Variants in FOLR3 observed in about 807,000 individuals in gnomAD.
The protein encoded by FOLR3 is folate receptor gamma.
In FOLR3, 9 loss-of-function variants were observed where a neutral mutation model predicts 20.0. That is an observed-to-expected ratio of 0.45 (90% confidence interval 0.27 to 0.79). The LOEUF (loss-of-function observed/expected upper bound fraction) is 0.79, where lower values mean the gene tolerates loss of function less well. FOLR3 is among the 30% of genes least tolerant of loss of function. FOLR3 has a pLI of 0.15. For missense variants in FOLR3, 309 were observed against 323.5 expected (o/e 0.96, Z 0.34); for synonymous variants, 124 against 115.5 (o/e 1.07, Z -0.47).
chr11:72,139,385 G>A lies in FOLR3; in HGVS notation c.396G>A (p.Val132=). 1 of 1,612,036 alleles carries A rather than the reference G, an allele frequency of 6.2e-7. No individual in the cohort carries two copies. The highest frequency in any genetic ancestry group is 8.5e-7 in the Non-Finnish European group (1 of 1,178,940). ...QSWRKERILN[V]PLCKEDCERW... ...GGCGCAAAGAGCGCATTCTGAACGT[G>A]CCCCTGTGCAAAGAGGACTGTGAGC... Residue 132 remains valine, a synonymous_variant, in exon 4 of 5, where the codon GTG becomes GTA. Transcript: ENST00000611028.
intron 2 of FOLR3, among the ~76,000 whole-genome samples, chr11:72,136,650 T>C (rs536477467): frequency 1.1e-4 from 17 of 152,318 alleles, no homozygotes; most frequent in African/African-American, 2.9e-4. Context: ...ACCTCTTTCA[T>C]TCTCCAAAAC....
intron 2 of FOLR3, among the ~76,000 whole-genome samples, chr11:72,137,503 T>A (rs74752446): frequency 6.6e-6 from 1 of 151,518 alleles, no homozygotes; most frequent in Non-Finnish European, 1.5e-5. Context: ...TTTTTTTTTT[T>A]AATTTGAGGC....
chr11:72,139,542 G>A lies in FOLR3; in HGVS notation c.494-45G>A, dbSNP rs773915699. ...GTGGGGCTTTGGGGTTGGGAGGGGT[G>A]CGGTCTGGCCCAGAAGCTAAGGGTC... is the stretch of plus-strand genomic sequence containing the variant. On this transcript the variant is annotated intron_variant, in intron 4 of 4. Coordinates refer to ENST00000611028, the MANE Select transcript of FOLR3 (RefSeq NM_000804.4). The A allele has an allele frequency of 2.5e-6, 4 of 1,612,976 alleles. No individual in the cohort carries two copies. In the South Asian group the frequency reaches 3.3e-5, roughly 13 times the overall value.
chr11:72,135,941 T>C lies in FOLR3; in HGVS notation c.-6-6T>C, dbSNP rs1215485597. On this transcript the variant is annotated splice_region_variant and splice_polypyrimidine_tract_variant and intron_variant, in intron 1 of 4. Transcript: ENST00000611028. ...TTGTCTACCTCTGACTGTGGCTCTC[T>C]GGCAGGAATAGATGGACATGGCCTG... The C allele has an allele frequency of 8.1e-6, 13 of 1,608,330 alleles. No individual in the cohort carries two copies. The highest frequency in any genetic ancestry group is 1.0e-5 in the Non-Finnish European group (12 of 1,176,274).
Position 72,139,127 on chromosome 11 carries a change from A to C in FOLR3, c.335A>C (p.Asn112Thr). Residue 112 changes from asparagine to threonine, a missense_variant, in exon 3 of 5, where the codon AAC (asparagine) becomes ACC (threonine). Asn to Thr is a moderately conservative substitution (Grantham distance 65). Coordinates refer to ENST00000611028, the MANE Select transcript of FOLR3 (RefSeq NM_000804.4). ...AGCTGTCTCTATGAGTGCTCACCCA[A>C]CCTGGGGCCCTGGATCCGGCAGGTA... The part of the protein sequence containing the change: ...QDSCLYECSP[N>T]LGPWIRQVNQ... The C allele has an allele frequency of 1.9e-6, 3 of 1,613,510 alleles. No homozygotes were observed. The highest frequency in any genetic ancestry group is 1.7e-6 in the Non-Finnish European group (2 of 1,179,622).
In FOLR3 at chr11:72,139,675, C is replaced by T. The variant is rs637609; in HGVS notation, c.582C>T (p.Ser194=). 5.0e-6 allele frequency: 8 copies of T among 1,613,520 alleles called. No homozygotes were observed. In the East Asian group the frequency reaches 1.6e-4, roughly 31 times the overall value. ...CCGCCCTTTGTGAAGGCCTCTGGAG[C>T]CACTCCTTCAAGGTCAGCAACTATA... ...TPAALCEGLW[S]HSFKVSNYSR... Residue 194 remains serine (S), a synonymous_variant, in exon 5 of 5, where the codon AGC becomes AGT. Transcript: ENST00000611028.
rs1947737461 is a variant in FOLR3, at chr11:72,136,019, C to T, written c.67C>T (p.Gln23Ter). 1.2e-6 allele frequency: 2 copies of T among 1,613,834 alleles called. No homozygotes were observed. The highest frequency in any genetic ancestry group is 1.7e-5 in the Admixed American group (1 of 60,004). ...TTTGGTGACTGCTGCGGGGAGTGCC[C>T]AGCCCAGGAGTGCGCGGGCCAGGAC... ...LALVTAAGSA[Q>*]PRSARARTDL... Residue 23 changes from glutamine to a stop codon, truncating the protein, a stop_gained, in exon 2 of 5, where the codon CAG becomes TAG. Transcript: ENST00000611028. LOFTEE classifies it high-confidence loss of function.
intron 2 of FOLR3, among the ~76,000 whole-genome samples, chr11:72,136,634 C>T (rs1343876577): frequency 2.0e-5 from 3 of 152,166 alleles, no homozygotes; most frequent in South Asian, 2.1e-4. Flanking sequence ...CACCATCCAT[C>T]TCCTGACCTC....
At position 72,139,848 on chromosome 11, in the gene FOLR3, T is replaced by G; in HGVS notation, c.*17T>G. The stretch of plus-strand genomic sequence containing the variant: ...GATTCCTGATCCAAGAAGGGTCCTC[T>G]GGGGTTCTTCCAACAACCTATTCTA... On this transcript the variant is annotated 3_prime_UTR_variant, in exon 5 of 5. Coordinates refer to ENST00000611028, the MANE Select transcript of FOLR3 (RefSeq NM_000804.4). 8 of 1,612,404 alleles carry G rather than the reference T, an allele frequency of 5.0e-6. No homozygotes were observed. The highest frequency in any genetic ancestry group is 3.4e-6 in the Non-Finnish European group (4 of 1,178,692).
chr11:72,139,232 A>G, intron 3 of FOLR3, 83 bp downstream of exon 3: 1 of 1,560,116 alleles, frequency 6.4e-7, no homozygotes. Context: ...TGGTCCAGGA[A>G]TTCGGGTCTG....
chr11:72,139,523 C>T (rs867141775), intron 4 of FOLR3, 41 bp downstream of exon 4: 1 of 1,612,684 alleles, frequency 6.2e-7, no homozygotes, highest in Middle Eastern at 1.7e-4. Context: ...GGGAGTGGGG[C>T]TTTGGGGTTG....
chr11:72,138,994 G>A lies in FOLR3; in HGVS notation c.202G>A (p.Ala68Thr), dbSNP rs1219474880. 6.8e-6 allele frequency: 11 copies of A among 1,613,826 alleles called. No individual in the cohort carries two copies. The East Asian group carries it at 1.6e-4, about 23-fold the overall frequency. Reference sequence around the variant, plus strand: ...CTGGAAGAAGAATGCCTGCTGCACGGCCAGCACCAGCCAGGAGCTGCACAA... The same window carrying A: ...CTGGAAGAAGAATGCCTGCTGCACGACCAGCACCAGCCAGGAGCTGCACAA... Reference protein sequence around the residue: ...SPWKKNACCTASTSQELHKDT... With the variant: ...SPWKKNACCTTSTSQELHKDT... The change falls in exon 3 of 5, where the codon GCC (alanine) becomes ACC (threonine). Residue 68 changes from alanine (A) to threonine (T), a missense_variant. By Grantham distance (58) the Ala-to-Thr change is moderately conservative. Transcript: ENST00000611028.
At chr11:72,135,888 C>T (rs936822990) in intron 1 of FOLR3, 59 bp from the exon 2 acceptor site, 4 of 1,541,650 alleles carry the variant, frequency 2.6e-6, no homozygotes, top group Non-Finnish European at 3.6e-6. Flanking sequence ...AGTACACAAT[C>T]ACATGGCTGT....
chr11:72,138,752 A>G, intron 2 of FOLR3: 1 of 618,320 alleles, frequency 1.6e-6, no homozygotes, highest in Admixed American at 2.8e-5. Context: ...AGCCTGGTCA[A>G]CAGAGCAAGA....
In FOLR3 at chr11:72,136,109, C is replaced by A; in HGVS notation, c.157C>A (p.Leu53Met). 1 of 1,614,062 alleles carries A rather than the reference C, an allele frequency of 6.2e-7. No homozygotes were observed. The highest frequency in any genetic ancestry group is 8.5e-7 in the Non-Finnish European group (1 of 1,179,930). Residue 53 changes from leucine (L) to methionine (M), a missense_variant, in exon 2 of 5, where the codon CTG becomes ATG. Coordinates refer to ENST00000611028, the MANE Select transcript of FOLR3 (RefSeq NM_000804.4). ...HKTQPSPEDE[L>M]YGQCSPWKKN... The stretch of plus-strand genomic sequence containing the variant: ...GACACAGCCCAGCCCCGAGGACGAG[C>A]TGTATGGCCAGGTGAGGGCAGCCTG...
intron 3 of FOLR3, 40 bp from the exon 4 acceptor site, chr11:72,139,307 T>A (rs1947785279): frequency 6.2e-7 from 1 of 1,600,534 alleles, no homozygotes; most frequent in African/African-American, 1.3e-5. Flanking sequence ...GCTGCTGAGA[T>A]ACGTGGCTGA....
intron 1 of FOLR3, 26 bp from the exon 2 acceptor site, chr11:72,135,921 T>G (rs1293632883): frequency 7.5e-6 from 12 of 1,610,158 alleles, no homozygotes; most frequent in Non-Finnish European, 1.0e-5. Flanking sequence ...AGGCCTTGTC[T>G]ACCTCTGACT....
chr11:72,138,140 G>A (rs1481377478), intron 2 of FOLR3, among the ~76,000 whole-genome samples: 2 of 152,216 alleles, frequency 1.3e-5, no homozygotes, highest in Non-Finnish European at 2.9e-5. Context: ...GCCAAGGAGG[G>A]TGGATCACCT....
intron 3 of FOLR3, 60 bp from the exon 4 acceptor site, chr11:72,139,287 C>T: frequency 6.3e-7 from 1 of 1,580,914 alleles, no homozygotes. Flanking sequence ...TGGTCCCCTT[C>T]AAGGGTAAAG....
Sources: gnomAD v4.1 joint callset for allele counts (sites outside exome capture counted in the v4.1 genomes callset) on GRCh38, gnomAD v4.1.1 for gene constraint, MANE v1.5 for transcripts, NCBI Gene and HGNC (gene_info 2026-07-23, HGNC 2026-07-21) for gene names.